The following SMIM35 variants were observed in gnomAD, a reference collection of about 807,000 sequenced individuals.
SMIM35 encodes small integral membrane protein 35.
At chr11:118,022,292 G>A (rs935715467) in intron 1 of SMIM35, among the ~76,000 whole-genome samples, 4 of 152,166 alleles carry the variant, frequency 2.6e-5, no homozygotes, top group African/African-American at 9.6e-5. Flanking sequence ...CTCATGATCC[G>A]CCTGCCTTGG....
intron 1 of SMIM35, among the ~76,000 whole-genome samples, chr11:118,074,623 T>G (rs1016863327): frequency 4.0e-5 from 6 of 151,894 alleles, no homozygotes; most frequent in Non-Finnish European, 8.8e-5. Flanking sequence ...GGCTCACACC[T>G]GTAATCCCAG....
intron 1 of SMIM35, among the ~76,000 whole-genome samples, chr11:118,069,827 C>T (rs948457120): frequency 1.3e-5 from 2 of 152,102 alleles, no homozygotes; most frequent in Non-Finnish European, 2.9e-5. Context: ...TTTGGAAAGC[C>T]GAGGCGGGTG....
intron 1 of SMIM35, among the ~76,000 whole-genome samples, chr11:118,076,567 G>A (rs1314072080): frequency 6.6e-6 from 1 of 152,190 alleles, no homozygotes; most frequent in African/African-American, 2.4e-5. Flanking sequence ...TGCTGAGGCA[G>A]GGGCAGGAAG....
chr11:118,043,840 G>C (rs1158085319), intron 1 of SMIM35, among the ~76,000 whole-genome samples: 3 of 149,704 alleles, frequency 2.0e-5, no homozygotes, highest in Non-Finnish European at 4.4e-5. Flanking sequence ...AGTAGGTTAT[G>C]GGGGGGCCAG....
chr11:118,077,298 C>A (rs1241239643), intron 1 of SMIM35: 1 of 1,602,164 alleles, frequency 6.2e-7, no homozygotes, highest in Non-Finnish European at 8.5e-7. Context: ...GATCACAGAG[C>A]CAGCATGGTG....
intron 1 of SMIM35, among the ~76,000 whole-genome samples, chr11:118,050,704 T>C (rs1944198860): frequency 6.6e-6 from 1 of 152,088 alleles, no homozygotes; most frequent in African/African-American, 2.4e-5. Flanking sequence ...TTGCAGAAAA[T>C]AGGATAAATC....
chr11:118,047,268 C>T (rs147587066), intron 1 of SMIM35, among the ~76,000 whole-genome samples: 66 of 152,286 alleles, frequency 4.3e-4, no homozygotes, highest in African/African-American at 1.5e-3. Context: ...GATTTATTGG[C>T]GATCTCATCT....
At position 118,005,819 on chromosome 11, in the gene SMIM35, C is replaced by T. The variant is rs927012967; in HGVS notation, c.*591G>A. The stretch of plus-strand genomic sequence containing the variant: ...CTGCTCCCTCAGTCTAATCTCCATA[C>T]CGCAGTCCTCCTGATGCAGTGCACA... On this transcript the variant is annotated 3_prime_UTR_variant, in exon 5 of 5. Coordinates refer to ENST00000689828, the MANE Select transcript of SMIM35 (RefSeq NM_001394165.1). 2 of 152,454 alleles carry T rather than the reference C, an allele frequency of 1.3e-5. No individual in the cohort carries two copies. The highest frequency in any genetic ancestry group is 6.5e-5 in the Admixed American group (1 of 15,284). 9.4% of individuals were successfully genotyped at this position (152,454 alleles called of 1,614,324 possible).
chr11:118,073,984 G>A (rs188651895), intron 1 of SMIM35, among the ~76,000 whole-genome samples: 51 of 152,328 alleles, frequency 3.3e-4, no homozygotes, highest in African/African-American at 1.2e-3. Flanking sequence ...AGCTGGACGA[G>A]ACCTGTTGGT....
chr11:118,084,390 G>A (rs961808920), intron 1 of SMIM35, among the ~76,000 whole-genome samples: 1 of 152,166 alleles, frequency 6.6e-6, no homozygotes, highest in Admixed American at 6.5e-5. Context: ...GGAACTTCAG[G>A]TTATGCAACT....
At chr11:118,035,869 T>C (rs1726130263) in intron 1 of SMIM35, among the ~76,000 whole-genome samples, 3 of 149,118 alleles carry the variant, frequency 2.0e-5, no homozygotes, top group African/African-American at 7.4e-5. Context: ...ATCATTAGTA[T>C]CCTAATATGT....
chr11:118,013,646 G>A (rs2058161203), intron 4 of SMIM35, 102 bp downstream of exon 4: 2 of 394,160 alleles, frequency 5.1e-6, no homozygotes, highest in Non-Finnish European at 8.9e-6. Context: ...TAATCTCTTT[G>A]GGTTCCAAGT....
At chr11:118,078,882 T>C (rs905595433) in intron 1 of SMIM35, among the ~76,000 whole-genome samples, 10 of 152,016 alleles carry the variant, frequency 6.6e-5, no homozygotes, top group African/African-American at 2.4e-4. Flanking sequence ...ATGCACCGGG[T>C]TCGCAGAGAT....
At chr11:118,028,905 C>A in intron 1 of SMIM35, 14 of 401,646 alleles carry the variant, frequency 3.5e-5, no homozygotes, top group East Asian at 8.3e-5. Flanking sequence ...GGAAGGAGGA[C>A]AGGAGGAGGA....
intron 1 of SMIM35, among the ~76,000 whole-genome samples, chr11:118,046,127 C>A (rs148786440): frequency 3.9e-5 from 6 of 152,150 alleles, no homozygotes; most frequent in African/African-American, 9.7e-5. Context: ...TTATCAGTAG[C>A]CTTTGTCCTC....
At chr11:118,011,459 A>G (rs565982927) in intron 4 of SMIM35, among the ~76,000 whole-genome samples, 4 of 152,298 alleles carry the variant, frequency 2.6e-5, no homozygotes, top group South Asian at 4.1e-4. Flanking sequence ...TGGGAGGCCG[A>G]GGCGGGTGGC....
chr11:118,035,881 G>GTGTTTGTTTGTTTGTTTGTTTGTT, intron 1 of SMIM35, among the ~76,000 whole-genome samples: 1 of 152,184 alleles, frequency 6.6e-6, no homozygotes, highest in South Asian at 2.1e-4. Context: ...CTAATATGTG[G>GTGTTTGTTTGTTTGTTTGTTTGTT]TGTTTGTTTG....
intron 1 of SMIM35, among the ~76,000 whole-genome samples, chr11:118,084,349 G>A (rs974151969): frequency 7.2e-5 from 11 of 152,192 alleles, no homozygotes; most frequent in Admixed American, 2.0e-4. Flanking sequence ...AGCACTCGAC[G>A]AGTTATGTGA....
At chr11:118,045,994 A>C (rs996752811) in intron 1 of SMIM35, among the ~76,000 whole-genome samples, 2 of 152,236 alleles carry the variant, frequency 1.3e-5, no homozygotes, top group Non-Finnish European at 2.9e-5. Flanking sequence ...ATTAAGTGAG[A>C]CGTGTATGTG....
Sources: allele counts gnomAD v4.1 joint callset (sites outside exome capture counted in the v4.1 genomes callset), GRCh38; gene constraint gnomAD v4.1.1; transcripts MANE v1.5; gene names NCBI Gene and HGNC (gene_info 2026-07-23, HGNC 2026-07-21).